JAKMIP3: variants seen among roughly 807,000 people sequenced by gnomAD.
JAKMIP3 encodes janus kinase and microtubule-interacting protein 3.
JAKMIP3 carries 58 observed loss-of-function variants against 118.5 expected under a neutral mutation model. The observed-to-expected ratio is 0.49, with a 90% CI of 0.40 to 0.61. The LOEUF is 0.61. Among genes scored for constraint, JAKMIP3 ranks in the 20% least tolerant of loss-of-function variants. The pLI is 0.00. For synonymous variants in JAKMIP3, 486 were observed against 451.2 expected (o/e 1.08, Z -0.98); for missense variants, 950 against 1,109.0 (o/e 0.86, Z 2.04).
At chr10:132,087,886 T>C (rs2042599390) in intron 1 of JAKMIP3, among the ~76,000 whole-genome samples, 1 of 152,022 alleles carries the variant, frequency 6.6e-6, no homozygotes, top group African/African-American at 2.4e-5. Context: ...GGCCCCGGTG[T>C]GTGATGTTCC....
At position 132,179,574 on chromosome 10, in the gene JAKMIP3, C is replaced by A. The variant is rs2060507815; in HGVS notation, c.*1104-2783C>A. ...TGCGCTCCCTGAAGGCAATTCGCAG[C>A]CCCATGTTCCCCCCACCCCCCACAC... On this transcript the variant is annotated intron_variant, in intron 23 of 23. Coordinates refer to ENST00000684848, the MANE Select transcript of JAKMIP3 (RefSeq NM_001323087.2). The surrounding 1 kb of genome is among the most constrained non-coding windows in gnomAD (Gnocchi z 4.3). Among the ~76,000 whole-genome samples, 1 of 152,170 alleles carries A rather than the reference C, an allele frequency of 6.6e-6. No individual in the cohort carries two copies. Among genetic ancestry groups the A allele is most frequent in the South Asian group, 2.1e-4 (1 of 4,824 alleles).
rs559885360 is a variant in JAKMIP3, at chr10:132,084,173, TGTTTGTGTTTCCACTC to T, written c.-138+18122_-138+18137del. ...TGATTCTACCCATCCATGGGTAGAA[TGTTTGTGTTTCCACTC>T]GTTTGTGTTATCTATGATTTCTTTC... On this transcript the variant is annotated intron_variant, in intron 1 of 23. Coordinates refer to ENST00000684848, the MANE Select transcript of JAKMIP3 (RefSeq NM_001323087.2). 1.3e-3 allele frequency among the ~76,000 whole-genome samples: 200 copies of T among 152,248 alleles called. 1 individual carries two copies. Among genetic ancestry groups the T allele is most frequent in the Non-Finnish European group, 1.6e-3 (106 of 67,970 alleles).
At chr10:132,040,469 C>T (rs980213753) in intron 1 of JAKMIP3, among the ~76,000 whole-genome samples, 6 of 152,184 alleles carry the variant, frequency 3.9e-5, no homozygotes, top group Admixed American at 1.3e-4. Context: ...CAGACTCCCC[C>T]AGCCACACAC....
At chr10:132,176,918 A>G (rs1331276781) in intron 23 of JAKMIP3, among the ~76,000 whole-genome samples, 1 of 152,086 alleles carries the variant, frequency 6.6e-6, no homozygotes, top group Non-Finnish European at 1.5e-5. Flanking sequence ...AGATGATGCC[A>G]ACCTCTTTTC....
chr10:132,050,115 T>C (rs976968060), intron 1 of JAKMIP3, among the ~76,000 whole-genome samples: 8 of 152,248 alleles, frequency 5.3e-5, no homozygotes, highest in African/African-American at 1.9e-4. Flanking sequence ...CCTTTTTGCC[T>C]TCTTTTCTCC....
intron 1 of JAKMIP3, among the ~76,000 whole-genome samples, chr10:132,038,456 G>A (rs182203563): frequency 9.2e-5 from 14 of 152,218 alleles, no homozygotes; most frequent in Admixed American, 8.5e-4. Context: ...ATAACAATAA[G>A]CTAATTTTTA....
At chr10:132,045,978 T>A (rs1176981615) in intron 1 of JAKMIP3, among the ~76,000 whole-genome samples, 1 of 150,320 alleles carries the variant, frequency 6.7e-6, no homozygotes, top group African/African-American at 2.4e-5. Flanking sequence ...CAGTTTAAGG[T>A]AAAATTTACA....
intron 21 of JAKMIP3, 38 bp downstream of exon 21, chr10:132,164,773 T>C: frequency 2.1e-6 from 3 of 1,450,562 alleles, no homozygotes; most frequent in Non-Finnish European, 2.9e-6. Context: ...CTTGTTAAGA[T>C]CAAGGGAGAG....
At position 132,168,074 on chromosome 10, in the gene JAKMIP3, G is replaced by A; in HGVS notation, c.*144G>A. ...GTCTCTGCACGCCCGTCCCGTGGAG[G>A]AAGAGTGAGAAGGGGCAGTGTGTGG... On this transcript the variant is annotated 3_prime_UTR_variant, in exon 23 of 24. Coordinates refer to ENST00000684848, the MANE Select transcript of JAKMIP3 (RefSeq NM_001323087.2). The A allele has an allele frequency of 7.8e-7, 1 of 1,289,550 alleles. No individual in the cohort carries two copies. The allele number at this position is 1,289,550 out of a possible 1,614,324, so 79.9% of individuals were successfully genotyped here.
At chr10:132,076,933 T>G (rs2040899411) in intron 1 of JAKMIP3, among the ~76,000 whole-genome samples, 1 of 121,754 alleles carries the variant, frequency 8.2e-6, no homozygotes, top group Non-Finnish European at 1.7e-5. Context: ...CTGACAGCAG[T>G]GTGAGGGCTG....
chr10:132,180,764 T>TGTGTGCGC (rs2061265459), intron 23 of JAKMIP3, among the ~76,000 whole-genome samples: 3 of 32,142 alleles, frequency 9.3e-5, no homozygotes, highest in African/African-American at 3.6e-4. Context: ...TGTGTGCGTG[T>TGTGTGCGC]GTGTGCGTGT....
chr10:132,060,486 G>C (rs1465218123), upstream of JAKMIP3, among the ~76,000 whole-genome samples: 1 of 152,136 alleles, frequency 6.6e-6, no homozygotes, highest in African/African-American at 2.4e-5. Flanking sequence ...ACAGATGAAG[G>C]CTTTAACCTG....
At position 132,044,280 on chromosome 10, in the gene JAKMIP3, T is replaced by G. The variant is rs1041665647; in HGVS notation, c.-138+7542T>G. Among the ~76,000 whole-genome samples, 2 of 152,186 alleles carry G rather than the reference T, an allele frequency of 1.3e-5. No homozygotes were observed. Among genetic ancestry groups the G allele is most frequent in the African/African-American group, 4.8e-5 (2 of 41,452 alleles). ...CTGGTCCAGGCATCGTGGACCTCCC[T>G]GGGGTGAGTAGTCAACACAGACACA... is the stretch of plus-strand genomic sequence containing the variant. On this transcript the variant is annotated intron_variant, in intron 1 of 23. Coordinates refer to the JAKMIP3 transcript ENST00000657785. The surrounding 1 kb of genome is among the most constrained non-coding windows in gnomAD (Gnocchi z 5.3).
chr10:132,064,751 C>T (rs963425275), upstream of JAKMIP3, among the ~76,000 whole-genome samples: 2 of 152,172 alleles, frequency 1.3e-5, no homozygotes, highest in African/African-American at 4.8e-5. The surrounding 1 kb of genome is among the most constrained non-coding windows in gnomAD (Gnocchi z 4.4). Context: ...TTTGCTTGCT[C>T]TAACTTATGA....
At position 132,133,487 on chromosome 10, in the gene JAKMIP3, C is replaced by G. The variant is rs1235887672; in HGVS notation, c.809C>G (p.Ala270Gly). The G allele has an allele frequency of 1.3e-6, 2 of 1,578,844 alleles. No individual in the cohort carries two copies. Among genetic ancestry groups the G allele is most frequent in the African/African-American group, 1.3e-5 (1 of 74,120 alleles). ...PGSPRRELPH[A>G]AGAGDASDHS... ...AGCCCCAGACGGGAACTTCCTCATG[C>G]AGCTGGTGCAGGAGACGCTTCAGAC... Residue 270 changes from alanine (A) to glycine (G), a missense_variant, in exon 4 of 24, where the codon GCA (alanine) becomes GGA (glycine). By Grantham distance (60) the Ala-to-Gly change is moderately conservative. Transcript: ENST00000684848.
intron 1 of JAKMIP3, among the ~76,000 whole-genome samples, chr10:132,051,849 C>T (rs181812718): frequency 3.0e-4 from 45 of 152,310 alleles, no homozygotes; most frequent in Non-Finnish European, 6.0e-4. Flanking sequence ...TCAAAGTGAT[C>T]CACCCACCTC....
At position 132,180,666 on chromosome 10, in the gene JAKMIP3, C is replaced by G. The variant is rs897169444; in HGVS notation, c.*1104-1691C>G. On this transcript the variant is annotated intron_variant, in intron 23 of 23. Coordinates refer to ENST00000684848, the MANE Select transcript of JAKMIP3 (RefSeq NM_001323087.2). Reference sequence around the variant, plus strand: ...GTGTGCGTGTGCGTGTGCGTGTGTGCGTGTGTGTGCGCGCGCGTGTGTGTG... The same window carrying G: ...GTGTGCGTGTGCGTGTGCGTGTGTGGGTGTGTGTGCGCGCGCGTGTGTGTG... 2.1e-4 allele frequency among the ~76,000 whole-genome samples: 3 copies of G among 14,372 alleles called. 1 individual carries two copies. Among genetic ancestry groups the G allele is most frequent in the Non-Finnish European group, 3.8e-4 (3 of 7,916 alleles). The allele number at this position is 14,372 out of a possible 152,430, so 9.4% of individuals were successfully genotyped here. A position where few individuals can be genotyped will look rare whatever the true frequency, so the allele number is the denominator to read the frequency against.
intron 1 of JAKMIP3, among the ~76,000 whole-genome samples, chr10:132,101,337 C>A (rs1346300389): frequency 6.6e-6 from 1 of 152,154 alleles, no homozygotes; most frequent in Non-Finnish European, 1.5e-5. Flanking sequence ...GGCGACAGAG[C>A]AAGGACCGAC....
chr10:132,177,892 CGTGTGTGTGCACACTGTGCATTTGGTT>C (rs1240937837), intron 23 of JAKMIP3, among the ~76,000 whole-genome samples: 2 of 111,630 alleles, frequency 1.8e-5, no homozygotes, highest in African/African-American at 7.0e-5. Context: ...CTGGGTAGTG[CGTGTGTGTGCACACTGTGCATTTGGTT>C]GTGTGTGTGC....
Sources: allele counts gnomAD v4.1 joint callset (sites outside exome capture counted in the v4.1 genomes callset), GRCh38; gene constraint gnomAD v4.1.1; non-coding constraint Gnocchi (gnomAD v3.1); transcripts MANE v1.5; gene names NCBI Gene and HGNC (gene_info 2026-07-23, HGNC 2026-07-21).